Variants in STAP2 observed in about 807,000 individuals in gnomAD.
STAP2 encodes the protein signal-transducing adaptor protein 2.
A neutral mutation model predicts 52.7 loss-of-function variants in STAP2; 58 were observed. The ratio of observed to expected loss-of-function variants is 1.10; its 90% CI spans 0.89 to 1.37. The LOEUF is 1.37. Ranked by LOEUF, STAP2 falls within the 40% of genes most tolerant of loss-of-function variation. The pLI is 0.00. For missense variants in STAP2, 522 were observed against 519.4 expected (o/e 1.00, Z -0.05); for synonymous variants, 231 against 210.5 (o/e 1.10, Z -0.84).
intron 9 of STAP2, among the ~76,000 whole-genome samples, chr19:4,326,154 G>A (rs1478502095): frequency 3.3e-5 from 5 of 152,240 alleles, no homozygotes; most frequent in African/African-American, 9.6e-5. Context: ...ACACGTGTCC[G>A]AGTTTGTGCC....
At chr19:4,331,428 A>G (rs1971888039) in intron 4 of STAP2, among the ~76,000 whole-genome samples, 1 of 152,046 alleles carries the variant, frequency 6.6e-6, no homozygotes, top group Non-Finnish European at 1.5e-5. Context: ...AGGTCAGTTC[A>G]AGACCAGCCT....
rs745352866 is a variant in STAP2, at chr19:4,325,383, G to T, written c.979+13C>A. 6.2e-6 allele frequency: 10 copies of T among 1,614,050 alleles called. No homozygotes were observed. Among genetic ancestry groups the T allele is most frequent in the Non-Finnish European group, 8.5e-6 (10 of 1,180,030 alleles). On this transcript the variant is annotated intron_variant, in intron 10 of 12. Coordinates refer to ENST00000594605, the MANE Select transcript of STAP2 (RefSeq NM_001013841.2). ...CCAACCCCCAGCTCTCAGCAGCTCT[G>T]TTCCCCACCCACCATCTTGGTTCTC...
In STAP2 at chr19:4,324,494, G is replaced by A. The variant is rs1286822710; in HGVS notation, c.1108C>T (p.Leu370=). ...KVFNGGLGRK[L]PVSSAQPLFP... ...AGAGGCTGGGCTGAACTGACTGGCA[G>A]CTTCCTGCCCAAGCCACCATTAAAG... The change falls in exon 12 of 13, where the codon CTG becomes TTG. Residue 370 remains leucine, a synonymous_variant. Coordinates refer to ENST00000594605, the MANE Select transcript of STAP2 (RefSeq NM_001013841.2). 6.3e-7 allele frequency: 1 copy of A among 1,575,884 alleles called. No individual in the cohort carries two copies. The highest frequency in any genetic ancestry group is 8.6e-7 in the Non-Finnish European group (1 of 1,158,884).
At position 4,325,320 on chromosome 19, in the gene STAP2, A is replaced by C; in HGVS notation, c.980-12T>G. ...ACTAGAGGAAGCCACTGCGTGGACA[A>C]AAGTGTAACGTGTCACATCAGCTGT... is the stretch of plus-strand genomic sequence containing the variant. On this transcript the variant is annotated splice_polypyrimidine_tract_variant and intron_variant, in intron 10 of 12. Transcript: ENST00000594605. 1 of 1,614,208 alleles carries C rather than the reference A, an allele frequency of 6.2e-7. No homozygotes were observed. The highest frequency in any genetic ancestry group is 8.5e-7 in the Non-Finnish European group (1 of 1,180,018).
chr19:4,325,725 C>T (rs553475592), intron 9 of STAP2, among the ~76,000 whole-genome samples, 180 bp from the exon 10 acceptor site: 70 of 152,172 alleles, frequency 4.6e-4, no homozygotes, highest in Non-Finnish European at 9.4e-4. Flanking sequence ...AATCCCAGCA[C>T]TTTGGGAGGC....
chr19:4,329,646 C>T (rs1035959780), intron 5 of STAP2, among the ~76,000 whole-genome samples: 20 of 152,262 alleles, frequency 1.3e-4, no homozygotes, highest in African/African-American at 4.8e-4. Context: ...TAACTCCTCC[C>T]CGGAGACGAA....
chr19:4,338,708 C>T lies in STAP2; in HGVS notation c.46G>A (p.Val16Ile). ...CTCTCATAGTAGTGTGAAGGCAGGA[C>T]ACCCTTAGGCTTGGGGACACGGGGT... ...RPPRVPKPKG[V>I]LPSHYYESFL... Residue 16 changes from valine (V) to isoleucine (I), a missense_variant, in exon 1 of 13, where the codon GTC becomes ATC. Coordinates refer to ENST00000594605, the MANE Select transcript of STAP2 (RefSeq NM_001013841.2). 1 of 1,613,798 alleles carries T rather than the reference C, an allele frequency of 6.2e-7. No individual in the cohort carries two copies. The highest frequency in any genetic ancestry group is 8.5e-7 in the Non-Finnish European group (1 of 1,179,858).
rs370264236 is a variant in STAP2, at chr19:4,327,328, A to C, written c.648T>G (p.Asp216Glu). 6.2e-6 allele frequency: 10 copies of C among 1,613,978 alleles called. No homozygotes were observed. Among genetic ancestry groups the C allele is most frequent in the African/African-American group, 2.7e-5 (2 of 74,904 alleles). Residue 216 changes from aspartate to glutamate, a missense_variant, in exon 7 of 13, where the codon GAT becomes GAG. By Grantham distance (45) the Asp-to-Glu change is conservative. Coordinates refer to ENST00000594605, the MANE Select transcript of STAP2 (RefSeq NM_001013841.2). Reference sequence around the variant, plus strand: ...GCCCAACGCTCACCGGCTGTTCCACATCGATCACGTACTTGGGGCCCTCCC... The same window carrying C: ...GCCCAACGCTCACCGGCTGTTCCACCTCGATCACGTACTTGGGGCCCTCCC... ...VKREGPKYVI[D>E]VEQPFSCTSL... is the part of the protein sequence containing the mutation.
intron 1 of STAP2, among the ~76,000 whole-genome samples, chr19:4,334,257 C>T (rs1017653367): frequency 2.0e-5 from 3 of 152,082 alleles, no homozygotes; most frequent in African/African-American, 4.8e-5. Flanking sequence ...TGTCTGTTTT[C>T]GTCTGAGAAA....
chr19:4,332,151 G>A, intron 3 of STAP2, 73 bp from the exon 4 acceptor site: 1 of 1,270,264 alleles, frequency 7.9e-7, no homozygotes, highest in Middle Eastern at 1.9e-4. Flanking sequence ...TTGGACTAGG[G>A]AAGAGTCCCT....
In STAP2 at chr19:4,338,532, T is replaced by G. The variant is rs553647891; in HGVS notation, c.102+120A>C. On this transcript the variant is annotated intron_variant, in intron 1 of 12. Transcript: ENST00000594605. ...ACCCACCCCAGTCCCCCAGCACGTGTCCTGCCCCATCCAGCACCCACCCCG... is the reference window on the plus strand; with the variant it reads ...ACCCACCCCAGTCCCCCAGCACGTGGCCTGCCCCATCCAGCACCCACCCCG... 5.4e-5 allele frequency: 52 copies of G among 959,884 alleles called. No individual in the cohort carries two copies. In the African/African-American group the frequency reaches 8.1e-4, roughly 15 times the overall value. The allele number at this position is 959,884 out of a possible 1,614,324, so 59.5% of individuals were successfully genotyped here. A position where few individuals can be genotyped will look rare whatever the true frequency, so the allele number is the denominator to read the frequency against.
chr19:4,330,840 G>A (rs959125161), intron 4 of STAP2, among the ~76,000 whole-genome samples: 2 of 148,058 alleles, frequency 1.4e-5, no homozygotes, highest in African/African-American at 5.0e-5. Flanking sequence ...TCAGCCTCCC[G>A]AGTAGCTGGA....
chr19:4,330,910 T>G (rs1465011614), intron 4 of STAP2, among the ~76,000 whole-genome samples: 18 of 151,892 alleles, frequency 1.2e-4, no homozygotes, highest in Admixed American at 1.2e-3. Context: ...AGACAGGGTT[T>G]CACCGTGTTG....
chr19:4,336,567 G>T (rs1291486003), intron 1 of STAP2, among the ~76,000 whole-genome samples: 4 of 151,230 alleles, frequency 2.6e-5, no homozygotes, highest in Non-Finnish European at 5.9e-5. Context: ...TCCCACCTCG[G>T]CCTCCCAAAG....
chr19:4,329,294 A>T (rs1568386130), intron 5 of STAP2, among the ~76,000 whole-genome samples: 1 of 150,108 alleles, frequency 6.7e-6, no homozygotes, highest in Non-Finnish European at 1.5e-5. Flanking sequence ...TTCTTTAGAG[A>T]TGGGGTCTCG....
At chr19:4,327,281 A>G in intron 7 of STAP2, 35 bp downstream of exon 7, 2 of 1,613,862 alleles carry the variant, frequency 1.2e-6, no homozygotes, top group Non-Finnish European at 1.7e-6. Context: ...CGGACCCCAC[A>G]AAGTCACTTC....
chr19:4,327,412 G>C (rs756087903), intron 6 of STAP2, 27 bp from the exon 7 acceptor site: 1 of 1,613,316 alleles, frequency 6.2e-7, no homozygotes, highest in Non-Finnish European at 8.5e-7. Flanking sequence ...CGAGTGAGTG[G>C]CTCAGCCCAG....
chr19:4,331,799 G>C (rs1971894713), intron 4 of STAP2, among the ~76,000 whole-genome samples: 1 of 152,050 alleles, frequency 6.6e-6, no homozygotes, highest in Admixed American at 6.6e-5. Flanking sequence ...GGGCGTGGTG[G>C]CGGGCTTCTG....
chr19:4,331,886 C>T, intron 4 of STAP2, 136 bp downstream of exon 4: 2 of 782,628 alleles, frequency 2.6e-6, no homozygotes, highest in Non-Finnish European at 4.0e-6. Flanking sequence ...GAGCCGAGAT[C>T]GCACCACTGC....
Sources: gnomAD v4.1 joint callset for allele counts (sites outside exome capture counted in the v4.1 genomes callset) on GRCh38, gnomAD v4.1.1 for gene constraint, MANE v1.5 for transcripts, NCBI Gene and HGNC (gene_info 2026-07-23, HGNC 2026-07-21) for gene names.